Variants in TMPRSS11E observed in about 807,000 individuals in gnomAD.
TMPRSS11E encodes transmembrane protease serine 11E.
TMPRSS11E carries 38 observed loss-of-function variants against 48.1 expected under a neutral mutation model. The observed-to-expected ratio is 0.79, with a 90% confidence interval of 0.61 to 1.04. TMPRSS11E has a LOEUF of 1.04. TMPRSS11E is among the 50% of genes least tolerant of loss of function. TMPRSS11E has a pLI of 0.00. For missense variants in TMPRSS11E, 530 were observed against 510.8 expected (o/e 1.04, Z -0.36); for synonymous variants, 158 against 171.9 (o/e 0.92, Z 0.63).
At chr4:68,472,168 T>A (rs1729091545) in intron 5 of TMPRSS11E, among the ~76,000 whole-genome samples, 1 of 151,962 alleles carries the variant, frequency 6.6e-6, no homozygotes, top group African/African-American at 2.4e-5. Context: ...AAACAAGTGA[T>A]GATAGGTCCT....
chr4:68,448,171 A>T (rs1310616861), intron 1 of TMPRSS11E, among the ~76,000 whole-genome samples: 2 of 152,008 alleles, frequency 1.3e-5, no homozygotes, highest in Non-Finnish European at 2.9e-5. Flanking sequence ...TTGTCTTTGA[A>T]AATAATTTTA....
Position 68,474,867 on chromosome 4 carries a change from A to G in TMPRSS11E, c.529+106A>G, listed in dbSNP as rs1466914910. On this transcript the variant is annotated intron_variant, in intron 6 of 9. Transcript: ENST00000305363. ...TTGATATCATAGGGACAGAACACAT[A>G]AAGTTTGATTAATTTGTGTACAGTT... 5 of 907,244 alleles carry G rather than the reference A, an allele frequency of 5.5e-6. No individual in the cohort carries two copies. In the Middle Eastern group the frequency reaches 8.3e-4, roughly 150 times the overall value. The allele number at this position is 907,244 out of a possible 1,614,324, so 56.2% of individuals were successfully genotyped here.
At chr4:68,457,530 A>G (rs1015861571) in intron 1 of TMPRSS11E, among the ~76,000 whole-genome samples, 3 of 152,206 alleles carry the variant, frequency 2.0e-5, no homozygotes, top group African/African-American at 7.2e-5. Flanking sequence ...TATTTGACCC[A>G]GACATCCCAT....
intron 9 of TMPRSS11E, among the ~76,000 whole-genome samples, chr4:68,479,469 T>A (rs1439332048): frequency 6.7e-6 from 1 of 150,186 alleles, no homozygotes; most frequent in Non-Finnish European, 1.5e-5. Flanking sequence ...TTCCTTTAAG[T>A]TATATATATG....
At position 68,478,960 on chromosome 4, in the gene TMPRSS11E, G is replaced by A; in HGVS notation, c.1079G>A (p.Gly360Asp). The A allele has an allele frequency of 6.2e-7, 1 of 1,613,964 alleles. No individual in the cohort carries two copies. The highest frequency in any genetic ancestry group is 8.5e-7 in the Non-Finnish European group (1 of 1,179,932). ...DAITPRMLCAGSLEGKTDACQ... is the reference protein window; with the variant it reads ...DAITPRMLCADSLEGKTDACQ... The stretch of plus-strand genomic sequence containing the variant: ...ATAACTCCTAGAATGTTATGTGCTG[G>A]CTCCTTAGAAGGAAAAACAGATGCA... The change falls in exon 9 of 10, where the codon GGC becomes GAC. Residue 360 changes from glycine to aspartate, a missense_variant. Gly to Asp is a moderately conservative substitution (Grantham distance 94). Coordinates refer to ENST00000305363, the MANE Select transcript of TMPRSS11E (RefSeq NM_014058.4).
rs1207567344 is a variant in TMPRSS11E, at chr4:68,469,238, C to T, written c.326+292C>T. Among the ~76,000 whole-genome samples the T allele has an allele frequency of 2.6e-5, 4 of 152,136 alleles. No homozygotes were observed. The East Asian group carries it at 7.7e-4, about 29-fold the overall frequency. ...ACTAAATACAGATAGACCTAACACA[C>T]ATCCTTGGTTTAATGGCAAGTAGTG... On this transcript the variant is annotated intron_variant, in intron 4 of 9. Transcript: ENST00000305363.
chr4:68,489,902 C>T (rs955354678), intron 9 of TMPRSS11E, among the ~76,000 whole-genome samples: 1 of 152,216 alleles, frequency 6.6e-6, no homozygotes, highest in Non-Finnish European at 1.5e-5. Context: ...GGGATGGGCA[C>T]CCATGCCATG....
chr4:68,454,617 T>C (rs1728580009), intron 1 of TMPRSS11E, among the ~76,000 whole-genome samples: 1 of 151,968 alleles, frequency 6.6e-6, no homozygotes, highest in Non-Finnish European at 1.5e-5. Context: ...AGAGGGTCTA[T>C]ACATTTTTCA....
At chr4:68,488,278 T>C (rs1729618890) in intron 9 of TMPRSS11E, among the ~76,000 whole-genome samples, 1 of 152,220 alleles carries the variant, frequency 6.6e-6, no homozygotes, top group Admixed American at 6.5e-5. Flanking sequence ...GCTCTCTCTC[T>C]TTCCTTGGGG....
At chr4:68,482,583 A>G (rs1046967022) in intron 9 of TMPRSS11E, among the ~76,000 whole-genome samples, 11 of 117,728 alleles carry the variant, frequency 9.3e-5, no homozygotes, top group Non-Finnish European at 1.9e-4. Context: ...GCAAAACTGC[A>G]TCTCCACAAA....
intron 9 of TMPRSS11E, among the ~76,000 whole-genome samples, chr4:68,494,506 A>G (rs1474555139): frequency 6.6e-6 from 1 of 151,962 alleles, no homozygotes; most frequent in Non-Finnish European, 1.5e-5. Context: ...ACCCTAATCT[A>G]TTCCCTCATT....
rs566214820 is a variant in TMPRSS11E, at chr4:68,478,947, A to G, written c.1066A>G (p.Met356Val). 6.2e-7 allele frequency: 1 copy of G among 1,614,102 alleles called. No individual in the cohort carries two copies. Among genetic ancestry groups the G allele is most frequent in the Admixed American group, 1.7e-5 (1 of 60,014 alleles). The change falls in exon 9 of 10, where the codon ATG becomes GTG. Residue 356 changes from methionine (M) to valine (V), a missense_variant. By Grantham distance (21) the Met-to-Val change is conservative. Transcript: ENST00000305363. ...TTACAATGACGCCATAACTCCTAGA[A>G]TGTTATGTGCTGGCTCCTTAGAAGG... ...QAYNDAITPR[M>V]LCAGSLEGKT...
chr4:68,467,512 A>C (rs1304811919), intron 3 of TMPRSS11E, among the ~76,000 whole-genome samples: 1 of 152,206 alleles, frequency 6.6e-6, no homozygotes, highest in African/African-American at 2.4e-5. Context: ...GCTGGGAGGC[A>C]CATGTATCTC....
chr4:68,490,478 C>G (rs1729684659), intron 9 of TMPRSS11E, among the ~76,000 whole-genome samples: 1 of 152,090 alleles, frequency 6.6e-6, no homozygotes, highest in Non-Finnish European at 1.5e-5. Flanking sequence ...TGCCTCATTT[C>G]CCACTCAGCT....
At position 68,496,951 on chromosome 4, in the gene TMPRSS11E, C is replaced by A. The variant is rs550673076; in HGVS notation, c.*147C>A. ...ACTGTTTGCTTGATGCATGTATTTT[C>A]TTCCCAGCTCTGTTCCGCACATAAG... On this transcript the variant is annotated 3_prime_UTR_variant, in exon 10 of 10. Coordinates refer to ENST00000305363, the MANE Select transcript of TMPRSS11E (RefSeq NM_014058.4). The A allele has an allele frequency of 1.1e-5, 9 of 807,232 alleles. No homozygotes were observed. The highest frequency in any genetic ancestry group is 1.8e-5 in the Non-Finnish European group (9 of 500,250). 50.0% of individuals were successfully genotyped at this position (807,232 alleles called of 1,614,324 possible).
intron 6 of TMPRSS11E, 64 bp from the exon 7 acceptor site, chr4:68,476,197 T>C (rs1729208934): frequency 1.9e-6 from 3 of 1,604,280 alleles, no homozygotes; most frequent in Non-Finnish European, 2.6e-6. Flanking sequence ...GTAACACAAT[T>C]TGATGTGCAA....
Position 68,475,544 on chromosome 4 carries a change from C to T in TMPRSS11E, c.530-717C>T, listed in dbSNP as rs546461204. Reference sequence around the variant, plus strand: ...CCACCAATATTTATTGGGAACCTACCATGTGCTAGCACTGTGTTAGACAAC... The same window carrying T: ...CCACCAATATTTATTGGGAACCTACTATGTGCTAGCACTGTGTTAGACAAC... On this transcript the variant is annotated intron_variant, in intron 6 of 9. Coordinates refer to ENST00000305363, the MANE Select transcript of TMPRSS11E (RefSeq NM_014058.4). 8.8e-3 allele frequency among the ~76,000 whole-genome samples: 1,341 copies of T among 152,238 alleles called. 23 individuals are homozygous for T. The highest frequency in any genetic ancestry group is 7.2e-3 in the Non-Finnish European group (489 of 68,028).
intron 5 of TMPRSS11E, 58 bp downstream of exon 5, chr4:68,471,681 T>C (rs1317007371): frequency 1.6e-5 from 22 of 1,374,868 alleles, no homozygotes; most frequent in Admixed American, 2.8e-5. Context: ...GGTTTGATCT[T>C]GGCACTTATT....
chr4:68,468,742 C>A, intron 3 of TMPRSS11E, 137 bp from the exon 4 acceptor site: 1 of 719,714 alleles, frequency 1.4e-6, no homozygotes, highest in Non-Finnish European at 2.5e-6. Flanking sequence ...CCTCAAGCTT[C>A]CTCAGTTCCA....
Sources: gnomAD v4.1 joint callset for allele counts (sites outside exome capture counted in the v4.1 genomes callset) on GRCh38, gnomAD v4.1.1 for gene constraint, MANE v1.5 for transcripts, NCBI Gene and HGNC (gene_info 2026-07-23, HGNC 2026-07-21) for gene names.